The following DCUN1D2 variants were observed in gnomAD, a reference collection of about 807,000 sequenced individuals.
DCUN1D2 encodes defective in cullin neddylation 1 domain containing 2.
Under a neutral mutation model 30.9 loss-of-function variants are expected in DCUN1D2, and 29 were observed. The ratio of observed to expected loss-of-function variants is 0.94; its 90% CI spans 0.70 to 1.28. DCUN1D2 has a LOEUF of 1.28. Ranked by LOEUF, DCUN1D2 falls within the 50% of genes most tolerant of loss-of-function variation. The pLI, the probability that DCUN1D2 is intolerant of heterozygous loss-of-function variation, is 0.00. For synonymous variants in DCUN1D2, 121 were observed against 115.3 expected, an observed-to-expected ratio of 1.05 and a Z score of -0.32; for missense variants, 325 against 316.9, an observed-to-expected ratio of 1.03 and a Z score of -0.19.
intron 3 of DCUN1D2, 120 bp downstream of exon 3, chr13:113,480,455 A>G: frequency 8.9e-7 from 1 of 1,123,270 alleles, no homozygotes; most frequent in Non-Finnish European, 1.3e-6. Flanking sequence ...CGCATAAGAA[A>G]TTTTAAAGAT....
chr13:113,471,738 A>G (rs1156262983), intron 4 of DCUN1D2, among the ~76,000 whole-genome samples: 1 of 152,232 alleles, frequency 6.6e-6, no homozygotes, highest in African/African-American at 2.4e-5. Context: ...GCCAGAAGAA[A>G]GTGGAGCGAC....
At chr13:113,474,318 C>T (rs2044574892) in intron 3 of DCUN1D2, 64 bp from the exon 4 acceptor site, 1 of 1,587,678 alleles carries the variant, frequency 6.3e-7, no homozygotes, top group South Asian at 1.1e-5. Context: ...TCCCCTTGTG[C>T]CCTGTGCAGG....
At chr13:113,464,832 T>C (rs1012697838) in intron 4 of DCUN1D2, among the ~76,000 whole-genome samples, 1 of 152,224 alleles carries the variant, frequency 6.6e-6, no homozygotes, top group African/African-American at 2.4e-5. Context: ...TTTTGAGGTG[T>C]TTGCTGCGCA....
chr13:113,483,715 G>T, intron 2 of DCUN1D2, 125 bp downstream of exon 2: 1 of 866,540 alleles, frequency 1.2e-6, no homozygotes, highest in Non-Finnish European at 1.8e-6. Context: ...GCCGAGCGCT[G>T]AGCGTGGGGA....
intron 2 of DCUN1D2, among the ~76,000 whole-genome samples, chr13:113,481,915 C>T (rs972312932): frequency 6.7e-6 from 1 of 149,402 alleles, no homozygotes; most frequent in Non-Finnish European, 1.5e-5. Flanking sequence ...AAGCCATAAA[C>T]ATCCTTCTAA....
chr13:113,458,183 T>C, intron 6 of DCUN1D2, 75 bp from the exon 7 acceptor site: 5 of 1,246,542 alleles, frequency 4.0e-6, no homozygotes, highest in Non-Finnish European at 5.9e-6. Context: ...CACACATCAA[T>C]CCAACATTTA....
rs577181465 is a variant in DCUN1D2, at chr13:113,471,110, C to T, written c.520+3014G>A. Among the ~76,000 whole-genome samples the T allele has an allele frequency of 2.2e-3, 324 of 149,668 alleles. 2 individuals are homozygous for T. The highest frequency in any genetic ancestry group is 4.2e-3 in the Non-Finnish European group (280 of 67,414). ...ACGCAAGACCCAACTCCACAGGGGACGCAACTCCACAGGGGACCCAACTCC... is the reference window on the plus strand; with the variant it reads ...ACGCAAGACCCAACTCCACAGGGGATGCAACTCCACAGGGGACCCAACTCC... On this transcript the variant is annotated intron_variant, in intron 4 of 6. Coordinates refer to ENST00000478244, the MANE Select transcript of DCUN1D2 (RefSeq NM_001014283.2).
In DCUN1D2 at chr13:113,458,043, G is replaced by A. The variant is rs772546123; in HGVS notation, c.766C>T (p.Arg256Cys). ...YARPVVTGGK[R>C]SLF The stretch of plus-strand genomic sequence containing the variant: ...TAACTTGCTGCCTAGAAAAGGCTGC[G>A]TTTTCCACCTGTGACTACTGGCCGT... Residue 256 changes from arginine (R) to cysteine (C), a missense_variant, in exon 7 of 7, where the codon CGC becomes TGC. Coordinates refer to ENST00000478244, the MANE Select transcript of DCUN1D2 (RefSeq NM_001014283.2). The A allele has an allele frequency of 2.6e-5, 42 of 1,613,926 alleles. 1 individual carries two copies. In the South Asian group the frequency reaches 2.9e-4, roughly 11 times the overall value.
Position 113,488,084 on chromosome 13 carries a change from T to C in DCUN1D2, c.3+2583A>G, listed in dbSNP as rs1399070341. Among the ~76,000 whole-genome samples, 3 of 152,214 alleles carry C rather than the reference T, an allele frequency of 2.0e-5. No homozygotes were observed. The East Asian group carries it at 5.8e-4, about 29-fold the overall frequency. ...CAACACCATAACACCAGCAGCCTAA[T>C]TTCTTGGAACTCTAGAAGAACAGAT... On this transcript the variant is annotated intron_variant, in intron 1 of 6. Coordinates refer to ENST00000478244, the MANE Select transcript of DCUN1D2 (RefSeq NM_001014283.2). The surrounding 1 kb of genome is among the most constrained non-coding windows in gnomAD (Gnocchi z 4.3).
chr13:113,474,064 C>A, intron 4 of DCUN1D2, 60 bp downstream of exon 4: 2 of 1,573,904 alleles, frequency 1.3e-6, no homozygotes, highest in South Asian at 2.3e-5. Context: ...TCATGTTGCT[C>A]ACGTCCACTG....
At chr13:113,462,843 A>C in intron 4 of DCUN1D2, 6 of 1,246,386 alleles carry the variant, frequency 4.8e-6, no homozygotes, top group Non-Finnish European at 6.2e-6. Flanking sequence ...ATCTATATTC[A>C]ACTCATCTTA....
chr13:113,486,781 A>C lies in DCUN1D2; in HGVS notation c.4-2725T>G, dbSNP rs1361620795. On this transcript the variant is annotated intron_variant, in intron 1 of 6. Transcript: ENST00000478244. ...AAAGTCCTCACAAGGGGAAGGTAGA[A>C]CTCAGATTAAGAACGGATGAAGAAG... Among the ~76,000 whole-genome samples, 4 of 152,182 alleles carry C rather than the reference A, an allele frequency of 2.6e-5. No individual in the cohort carries two copies. In the South Asian group the frequency reaches 8.3e-4, roughly 31 times the overall value.
intron 4 of DCUN1D2, among the ~76,000 whole-genome samples, chr13:113,469,978 G>T (rs1230106976): frequency 6.6e-6 from 1 of 152,090 alleles, no homozygotes; most frequent in African/African-American, 2.4e-5. Context: ...TCACACTCAA[G>T]AATTAGAAAC....
chr13:113,483,582 G>C (rs558279975), intron 2 of DCUN1D2, among the ~76,000 whole-genome samples: 11 of 152,334 alleles, frequency 7.2e-5, no homozygotes, highest in Admixed American at 5.2e-4. Context: ...TCACCGCACA[G>C]AACAAGCGGG....
chr13:113,480,576 C>G lies in DCUN1D2; in HGVS notation c.388G>C (p.Gly130Arg). The G allele has an allele frequency of 6.2e-7, 1 of 1,613,906 alleles. No individual in the cohort carries two copies. The highest frequency in any genetic ancestry group is 8.5e-7 in the Non-Finnish European group (1 of 1,179,952). ...KEFLDGMTEL[G>R]CDSMEKLKAL... Reference sequence around the variant, plus strand: ...TTAAGCTAAGAATAGTTGACTTACCCAAGTTCTGTCATGCCATCTAGAAAT... The same window carrying G: ...TTAAGCTAAGAATAGTTGACTTACCGAAGTTCTGTCATGCCATCTAGAAAT... Residue 130 changes from glycine (G) to arginine (R), a missense_variant and splice_region_variant, in exon 3 of 7, where the codon GGG becomes CGG. Gly to Arg is a moderately radical substitution (Grantham distance 125). Coordinates refer to ENST00000478244, the MANE Select transcript of DCUN1D2 (RefSeq NM_001014283.2).
chr13:113,463,193 T>C (rs2044346390), intron 4 of DCUN1D2: 2 of 156,306 alleles, frequency 1.3e-5, no homozygotes, highest in Middle Eastern at 3.3e-3. Flanking sequence ...TACATCTTTA[T>C]AGCAGCTATT....
chr13:113,470,825 AC>A (rs2044494070), intron 4 of DCUN1D2, among the ~76,000 whole-genome samples: 2 of 148,400 alleles, frequency 1.3e-5, no homozygotes, highest in African/African-American at 5.0e-5. Context: ...AGGGGACCCA[AC>A]TCCACAGAAG....
At chr13:113,482,334 T>C (rs1220579458) in intron 2 of DCUN1D2, among the ~76,000 whole-genome samples, 3 of 152,240 alleles carry the variant, frequency 2.0e-5, no homozygotes, top group African/African-American at 4.8e-5. Flanking sequence ...TTTCCACTTA[T>C]ACACAAGTAT....
chr13:113,485,064 C>T (rs1398729586), intron 1 of DCUN1D2, among the ~76,000 whole-genome samples: 4 of 145,822 alleles, frequency 2.7e-5, no homozygotes, highest in Admixed American at 6.8e-5. Flanking sequence ...GGCGACAGGG[C>T]GAGACTCTAT....
Sources: allele counts gnomAD v4.1 joint callset (sites outside exome capture counted in the v4.1 genomes callset), GRCh38; gene constraint gnomAD v4.1.1; non-coding constraint Gnocchi (gnomAD v3.1); transcripts MANE v1.5; gene names NCBI Gene and HGNC (gene_info 2026-07-23, HGNC 2026-07-21).